The following NALCN variants were observed in gnomAD, a reference collection of about 807,000 sequenced individuals.
NALCN encodes the protein sodium leak channel NALCN.
In NALCN, 111 loss-of-function variants were observed where a neutral mutation model predicts 225.3. The ratio of observed to expected loss-of-function variants is 0.49; its 90% confidence interval spans 0.42 to 0.58. The LOEUF (loss-of-function observed/expected upper bound fraction) is 0.58. Among genes scored for constraint, NALCN ranks in the 20% least tolerant of loss-of-function variants. The pLI is 0.00. For synonymous variants in NALCN, 764 were observed against 769.0 expected (o/e 0.99, Z 0.11); for missense variants, 1,378 against 2,202.4 (o/e 0.63, Z 7.49).
At chr13:101,056,307 C>G (rs2139376952) in intron 43 of NALCN, among the ~76,000 whole-genome samples, 1 of 124,318 alleles carries the variant, frequency 8.0e-6, no homozygotes, top group South Asian at 2.8e-4. Context: ...CTCACCCAGA[C>G]AGGAGTGCAG....
intron 7 of NALCN, among the ~76,000 whole-genome samples, chr13:101,304,447 G>T (rs866782415): frequency 6.2e-5 from 9 of 145,612 alleles, no homozygotes; most frequent in Admixed American, 5.5e-4. Context: ...CCCCCTGACA[G>T]GCCCTGGTGT....
intron 15 of NALCN, among the ~76,000 whole-genome samples, chr13:101,175,529 C>T (rs1344474935): frequency 6.6e-6 from 1 of 152,126 alleles, no homozygotes; most frequent in Non-Finnish European, 1.5e-5. Flanking sequence ...AACATTCTAA[C>T]AGTTGGGTAG....
intron 10 of NALCN, among the ~76,000 whole-genome samples, chr13:101,272,100 T>C (rs1050166130): frequency 2.0e-5 from 3 of 151,806 alleles, no homozygotes; most frequent in African/African-American, 7.3e-5. Flanking sequence ...CGAGTGTGCA[T>C]GTGTGTGTCT....
At chr13:101,103,001 C>T (rs1019948727) in intron 26 of NALCN, among the ~76,000 whole-genome samples, 171 bp downstream of exon 26, 1 of 152,130 alleles carries the variant, frequency 6.6e-6, no homozygotes, top group Admixed American at 6.6e-5. Flanking sequence ...CCAGAAGTGC[C>T]CATGAGTAAA....
At chr13:101,371,733 C>G (rs1391346091) in intron 6 of NALCN, among the ~76,000 whole-genome samples, 1 of 152,162 alleles carries the variant, frequency 6.6e-6, no homozygotes, top group African/African-American at 2.4e-5. Context: ...AAGGTTTTGA[C>G]AGTGGAATGA....
At chr13:101,203,190 T>C (rs1283037766) in intron 13 of NALCN, among the ~76,000 whole-genome samples, 1 of 152,204 alleles carries the variant, frequency 6.6e-6, no homozygotes, top group African/African-American at 2.4e-5. Flanking sequence ...GCAACTTCTA[T>C]CACAGTGGTT....
chr13:101,334,139 C>T (rs997830036), intron 7 of NALCN, among the ~76,000 whole-genome samples: 12 of 151,886 alleles, frequency 7.9e-5, no homozygotes, highest in Non-Finnish European at 1.5e-4. Flanking sequence ...GTCTAATGAA[C>T]GAATCCAGAA....
intron 37 of NALCN, among the ~76,000 whole-genome samples, chr13:101,070,116 G>GCCCAGGCTGA (rs977700738): frequency 1.6e-5 from 2 of 127,738 alleles, no homozygotes; most frequent in African/African-American, 5.9e-5. Context: ...GCCCAGGCTG[G>GCCCAGGCTGA]AGTGCAGTGG....
At chr13:101,299,988 A>T (rs539284445) in intron 7 of NALCN, among the ~76,000 whole-genome samples, 107 of 152,176 alleles carry the variant, frequency 7.0e-4, no homozygotes, top group African/African-American at 2.5e-3. Context: ...AACAGTAGTT[A>T]TCATAAAGTA....
At chr13:101,289,548 A>G (rs909649286) in intron 9 of NALCN, among the ~76,000 whole-genome samples, 1 of 84,218 alleles carries the variant, frequency 1.2e-5, no homozygotes, top group Non-Finnish European at 3.2e-5. Context: ...ATATATATAT[A>G]TACACATATT....
chr13:101,399,037 G>T lies in NALCN; in HGVS notation c.90C>A (p.Ile30=), dbSNP rs1346084065. 1.3e-6 allele frequency: 2 copies of T among 1,591,270 alleles called. No individual in the cohort carries two copies. Among genetic ancestry groups the T allele is most frequent in the South Asian group, 1.1e-5 (1 of 90,570 alleles). Residue 30 remains isoleucine (I), a synonymous_variant, in exon 2 of 44, where the codon ATC becomes ATA. Transcript: ENST00000251127. ...AACTTACTGGTTTGTTAATCCAGAG[G>T]ATGTCAGCATTATCCGACAGAGACT... ...PDESLSDNAD[I]LWINKPWVHS... is the part of the protein sequence containing the mutation.
At chr13:101,242,941 C>G (rs2041796576) in intron 11 of NALCN, among the ~76,000 whole-genome samples, 1 of 104,892 alleles carries the variant, frequency 9.5e-6, no homozygotes, top group Admixed American at 9.0e-5. Context: ...ATTTATTTTA[C>G]TTTTTCAGGT....
chr13:101,263,677 T>C (rs2042505145), intron 10 of NALCN, among the ~76,000 whole-genome samples: 1 of 152,350 alleles, frequency 6.6e-6, no homozygotes, highest in African/African-American at 2.4e-5. Flanking sequence ...TGTCTACATG[T>C]CCCTGTTGGT....
intron 11 of NALCN, among the ~76,000 whole-genome samples, chr13:101,245,000 A>G (rs1237077261): frequency 2.2e-5 from 3 of 133,744 alleles, no homozygotes; most frequent in African/African-American, 7.7e-5. Flanking sequence ...AGTTGCCTGG[A>G]GGGCTCCCAC....
At chr13:101,210,447 A>T (rs1174928556) in intron 13 of NALCN, among the ~76,000 whole-genome samples, 9 of 152,154 alleles carry the variant, frequency 5.9e-5, no homozygotes, top group Admixed American at 5.9e-4. Context: ...AGTTCCGTAT[A>T]TGTAATAGTT....
intron 7 of NALCN, among the ~76,000 whole-genome samples, chr13:101,337,005 A>C (rs2045397760): frequency 6.6e-6 from 1 of 152,092 alleles, no homozygotes; most frequent in Non-Finnish European, 1.5e-5. Context: ...CTACCACCTA[A>C]TTTTACATCA....
Position 101,229,598 on chromosome 13 carries a change from G to C in NALCN, c.1435-14C>G, listed in dbSNP as rs756248145. ...TACTCGGAGAACCTATCAAGGGAGA[G>C]AGAAACATTTATTTACACATATGAT... On this transcript the variant is annotated splice_polypyrimidine_tract_variant and intron_variant, in intron 12 of 43. Coordinates refer to ENST00000251127, the MANE Select transcript of NALCN (RefSeq NM_052867.4). The C allele has an allele frequency of 5.2e-6, 8 of 1,529,848 alleles. No homozygotes were observed. The highest frequency in any genetic ancestry group is 6.1e-6 in the Non-Finnish European group (7 of 1,139,352). 94.8% of individuals were successfully genotyped at this position (1,529,848 alleles called of 1,614,324 possible). A position where few individuals can be genotyped will look rare whatever the true frequency, so the allele number is the denominator to read the frequency against.
At chr13:101,349,140 G>C (rs1050367223) in intron 6 of NALCN, among the ~76,000 whole-genome samples, 11 of 152,036 alleles carry the variant, frequency 7.2e-5, no homozygotes, top group Admixed American at 7.2e-4. Context: ...ATGTTTAAAC[G>C]GGTTTCAAGA....
chr13:101,101,007 A>T, intron 26 of NALCN, 119 bp from the exon 27 acceptor site: 2 of 809,210 alleles, frequency 2.5e-6, no homozygotes, highest in Admixed American at 3.4e-5. Context: ...TGGGTTTTTG[A>T]TGATATATTT....
Sources: allele counts gnomAD v4.1 joint callset (sites outside exome capture counted in the v4.1 genomes callset), GRCh38; gene constraint gnomAD v4.1.1; transcripts MANE v1.5; gene names NCBI Gene and HGNC (gene_info 2026-07-23, HGNC 2026-07-21).